The following PCDHA8 variants were observed in gnomAD, a reference collection of about 807,000 sequenced individuals.
The protein encoded by PCDHA8 is protocadherin alpha-8.
In PCDHA8, 53 loss-of-function variants were observed where a neutral mutation model predicts 61.8. The ratio of observed to expected loss-of-function variants is 0.86; its 90% CI spans 0.69 to 1.08. The LOEUF is 1.08. Among genes scored for constraint, PCDHA8 ranks in the 50% least tolerant of loss-of-function variants. The probability of loss-of-function intolerance (pLI) is 0.00; values close to 1 mark genes in which losing one functional copy is unlikely to be tolerated. For missense variants in PCDHA8, 1,293 were observed against 1,245.0 expected, an observed-to-expected ratio of 1.04 and a Z score of -0.58; for synonymous variants, 618 against 556.6, an observed-to-expected ratio of 1.11 and a Z score of -1.55.
At chr5:140,955,480 C>T (rs940139413) in intron 1 of PCDHA8, among the ~76,000 whole-genome samples, 3 of 152,088 alleles carry the variant, frequency 2.0e-5, no homozygotes, top group African/African-American at 7.2e-5. Flanking sequence ...GGCACCTCTC[C>T]TTCCTGCCAC....
chr5:140,942,902 A>G (rs956281163), intron 1 of PCDHA8, among the ~76,000 whole-genome samples: 7 of 152,112 alleles, frequency 4.6e-5, no homozygotes, highest in Admixed American at 1.3e-4. Context: ...ATCTCTAAGA[A>G]TAAGCGTGAA....
At chr5:140,883,349 GA>G in intron 1 of PCDHA8, 1 of 1,614,142 alleles carries the variant, frequency 6.2e-7, no homozygotes, top group Non-Finnish European at 8.5e-7. Flanking sequence ...CCCCATCAGA[GA>G]AGACACTCAG....
rs781928314 is a variant in PCDHA8 at position 140,876,618 on chromosome 5, T to A, written c.2394+32903T>A. On this transcript the variant is annotated intron_variant, in intron 1 of 3. Coordinates refer to ENST00000531613, the MANE Select transcript of PCDHA8 (RefSeq NM_018911.3). ...TGTCGGATCGTGACTCTGGAGCCAA[T>A]GGACAGGTCATCTGCTCACTGACAC... is the stretch of plus-strand genomic sequence containing the variant. 3.7e-6 allele frequency: 6 copies of A among 1,614,074 alleles called. No homozygotes were observed. The South Asian group carries it at 4.4e-5, about 12-fold the overall frequency.
chr5:140,883,109 T>C (rs782237873), intron 1 of PCDHA8: 95 of 1,613,962 alleles, frequency 5.9e-5, no homozygotes, highest in Non-Finnish European at 8.0e-5. Context: ...AGTTTACTCA[T>C]TTAGAAGGCC....
At chr5:140,985,228 C>T (rs1022229644) in intron 3 of PCDHA8, among the ~76,000 whole-genome samples, 2 of 152,156 alleles carry the variant, frequency 1.3e-5, no homozygotes, top group Admixed American at 6.5e-5. Flanking sequence ...TGAGCCACCG[C>T]GCCTGGCCTA....
At chr5:140,904,314 T>C (rs1554191432) in intron 1 of PCDHA8, among the ~76,000 whole-genome samples, 1 of 152,080 alleles carries the variant, frequency 6.6e-6, no homozygotes, top group Admixed American at 6.6e-5. Flanking sequence ...TTTCTTCACT[T>C]AGAATAATGG....
rs2150331994 is a variant in PCDHA8, at chr5:140,842,213, A to G, written c.892A>G (p.Asn298Asp). The G allele has an allele frequency of 8.1e-6, 13 of 1,613,600 alleles. 1 individual carries two copies. The South Asian group carries it at 1.4e-4, about 18-fold the overall frequency. ...TATTGACCACTTTAGCATAGATCGA[A>G]ATACGGGAGAAATAGTGATTCGGGG... ...MVIDHFSIDR[N>D]TGEIVIRGNL... is the part of the protein sequence containing the mutation. The change falls in exon 1 of 4, where the codon AAT becomes GAT. Residue 298 changes from asparagine (N) to aspartate (D), a missense_variant. Physicochemically the swap from Asn to Asp is conservative, Grantham distance 23. Coordinates refer to ENST00000531613, the MANE Select transcript of PCDHA8 (RefSeq NM_018911.3).
intron 1 of PCDHA8, among the ~76,000 whole-genome samples, chr5:140,917,059 G>A (rs1174473146): frequency 6.6e-6 from 1 of 152,044 alleles, no homozygotes; most frequent in Non-Finnish European, 1.5e-5. Context: ...TCCCTGCTAC[G>A]ACAGCACCGA....
At chr5:140,875,636 A>G (rs574545388) in intron 1 of PCDHA8, 3 of 1,613,606 alleles carry the variant, frequency 1.9e-6, no homozygotes, top group African/African-American at 1.3e-5. Context: ...CTGGGGCTGG[A>G]GCTGGCGGAG....
chr5:140,877,228 G>A, intron 1 of PCDHA8: 2 of 1,613,700 alleles, frequency 1.2e-6, no homozygotes, highest in Non-Finnish European at 1.7e-6. Context: ...GCGGTCGGTG[G>A]GTGCGGGCCA....
chr5:140,976,819 T>C (rs1380206599), intron 1 of PCDHA8, among the ~76,000 whole-genome samples: 3 of 152,222 alleles, frequency 2.0e-5, no homozygotes, highest in Admixed American at 2.0e-4. Flanking sequence ...TATGCATGTG[T>C]CTAATGAGCA....
rs1231696084 is a variant in PCDHA8 at position 140,858,276 on chromosome 5, T to C, written c.2394+14561T>C. The C allele has an allele frequency of 3.1e-6, 5 of 1,594,740 alleles. No individual in the cohort carries two copies. The highest frequency in any genetic ancestry group is 4.3e-6 in the Non-Finnish European group (5 of 1,166,444). On this transcript the variant is annotated intron_variant, in intron 1 of 3. Coordinates refer to ENST00000531613, the MANE Select transcript of PCDHA8 (RefSeq NM_018911.3). ...CCCACGCTGGTGTGCTCTAGCGCGGTGGGGAGCTGGTCTTACTCGCAGCAG... is the reference window on the plus strand; with the variant it reads ...CCCACGCTGGTGTGCTCTAGCGCGGCGGGGAGCTGGTCTTACTCGCAGCAG...
Position 140,880,816 on chromosome 5 carries a change from G to A in PCDHA8, c.2394+37101G>A, listed in dbSNP as rs3806840. On this transcript the variant is annotated intron_variant, in intron 1 of 3. Transcript: ENST00000531613. ...ATAAATAGGTGAATGACTCTAGAGTGTCTGGAAGGGCATATTTTAAATGGT... is the reference window on the plus strand; with the variant it reads ...ATAAATAGGTGAATGACTCTAGAGTATCTGGAAGGGCATATTTTAAATGGT... Among the ~76,000 whole-genome samples the A allele has an allele frequency of 9.8e-5, 15 of 152,318 alleles. No individual in the cohort carries two copies. In the East Asian group the frequency reaches 2.9e-3, roughly 29 times the overall value.
intron 3 of PCDHA8, among the ~76,000 whole-genome samples, chr5:141,005,656 C>T (rs1004583867): frequency 1.5e-4 from 20 of 136,082 alleles, no homozygotes; most frequent in Non-Finnish European, 2.5e-4. Context: ...GAGTCGAGAT[C>T]GCGCCACTGC....
chr5:140,999,603 G>C (rs552647484), intron 3 of PCDHA8, among the ~76,000 whole-genome samples: 1 of 152,246 alleles, frequency 6.6e-6, no homozygotes, highest in South Asian at 2.1e-4. Flanking sequence ...TACATCCTGG[G>C]GGACCTTATC....
chr5:141,010,446 C>G lies in PCDHA8; in HGVS notation c.*509C>G, dbSNP rs951181939. 39 of 944,590 alleles carry G rather than the reference C, an allele frequency of 4.1e-5. No homozygotes were observed. Among genetic ancestry groups the G allele is most frequent in the Non-Finnish European group, 5.6e-5 (37 of 656,282 alleles). The allele number at this position is 944,590 out of a possible 1,614,324, so 58.5% of individuals were successfully genotyped here. On this transcript the variant is annotated 3_prime_UTR_variant, in exon 4 of 4. Coordinates refer to ENST00000531613, the MANE Select transcript of PCDHA8 (RefSeq NM_018911.3). ...AGGCAAGAAAACAAAGACAAATAAA[C>G]AGCGGAAGTTATCAGTATGGAGGGG...
At chr5:140,913,021 A>G (rs548086979) in intron 1 of PCDHA8, among the ~76,000 whole-genome samples, 1 of 152,154 alleles carries the variant, frequency 6.6e-6, no homozygotes, top group South Asian at 2.1e-4. Context: ...TTTTGCATCA[A>G]TATTCATCAG....
At chr5:140,997,604 G>A (rs1271144424) in intron 3 of PCDHA8, among the ~76,000 whole-genome samples, 2 of 152,136 alleles carry the variant, frequency 1.3e-5, no homozygotes, top group East Asian at 1.9e-4. Flanking sequence ...ATTATGGGGC[G>A]CATGACTATA....
chr5:140,900,226 G>A (rs1048533279), intron 1 of PCDHA8, among the ~76,000 whole-genome samples: 18 of 152,090 alleles, frequency 1.2e-4, no homozygotes, highest in Admixed American at 1.1e-3. Flanking sequence ...GCAAATGACT[G>A]GATCTTGTTT....
Sources: gnomAD v4.1 joint callset for allele counts (sites outside exome capture counted in the v4.1 genomes callset) on GRCh38, gnomAD v4.1.1 for gene constraint, MANE v1.5 for transcripts, NCBI Gene and HGNC (gene_info 2026-07-23, HGNC 2026-07-21) for gene names.